CAMKMT: variants seen among roughly 807,000 people sequenced by gnomAD.
The protein encoded by CAMKMT is CaM KMT.
Under a neutral mutation model 48.0 loss-of-function variants are expected in CAMKMT, and 53 were observed. That is an observed-to-expected ratio of 1.10 (90% CI 0.89 to 1.39). The LOEUF (loss-of-function observed/expected upper bound fraction) is 1.39. Among genes scored for constraint, CAMKMT ranks in the 40% most tolerant of loss-of-function variants. The probability of loss-of-function intolerance (pLI) is 0.00; values close to 1 mark genes in which losing one functional copy is unlikely to be tolerated. For missense variants in CAMKMT, 428 were observed against 402.7 expected (o/e 1.06, Z -0.54); for synonymous variants, 165 against 152.3 (o/e 1.08, Z -0.61).
At chr2:44,488,843 T>TTGTGTGTGTGTGTGTG (rs142299931) in intron 3 of CAMKMT, among the ~76,000 whole-genome samples, 145 of 142,046 alleles carry the variant, frequency 1.0e-3, no homozygotes, top group Non-Finnish European at 1.3e-3. Context: ...CTTAGGGTAT[T>TTGTGTGTGTGTGTGTG]TGTGTGTGTG....
chr2:44,397,746 A>G (rs1681989670), intron 3 of CAMKMT, among the ~76,000 whole-genome samples: 1 of 152,210 alleles, frequency 6.6e-6, no homozygotes, highest in African/African-American at 2.4e-5. Context: ...TCTCTTTTTA[A>G]TGTATTTTAA....
intron 7 of CAMKMT, among the ~76,000 whole-genome samples, chr2:44,715,623 T>C (rs1400066242): frequency 6.6e-6 from 1 of 152,162 alleles, no homozygotes; most frequent in African/African-American, 2.4e-5. Flanking sequence ...TTATACAGTA[T>C]GAGGTTGGGA....
intron 9 of CAMKMT, among the ~76,000 whole-genome samples, chr2:44,755,658 C>T (rs1422175625): frequency 3.3e-5 from 5 of 152,200 alleles, no homozygotes; most frequent in South Asian, 4.2e-4. Flanking sequence ...GAAAAGTGCC[C>T]AAGCTATGAA....
chr2:44,699,108 G>T (rs1473583966), intron 3 of CAMKMT, among the ~76,000 whole-genome samples: 1 of 152,108 alleles, frequency 6.6e-6, no homozygotes, highest in Non-Finnish European at 1.5e-5. Flanking sequence ...CACGAATGTT[G>T]AAATCAATTC....
intron 3 of CAMKMT, among the ~76,000 whole-genome samples, chr2:44,584,747 G>A (rs1669755356): frequency 6.6e-6 from 1 of 151,960 alleles, no homozygotes. Flanking sequence ...TTGGGTGTCT[G>A]CATGAAATAA....
intron 3 of CAMKMT, among the ~76,000 whole-genome samples, chr2:44,648,463 A>T (rs1319215949): frequency 6.6e-6 from 1 of 152,262 alleles, no homozygotes; most frequent in African/African-American, 2.4e-5. Flanking sequence ...GGAGAACATG[A>T]TGGCATTCTT....
intron 3 of CAMKMT, among the ~76,000 whole-genome samples, chr2:44,602,002 A>ATT (rs1558736731): frequency 3.3e-5 from 5 of 151,378 alleles, no homozygotes; most frequent in African/African-American, 7.3e-5. Flanking sequence ...TTTTAAAAAT[A>ATT]TATTTATTTA....
chr2:44,420,816 C>A (rs1218785776), intron 3 of CAMKMT, among the ~76,000 whole-genome samples: 1 of 151,520 alleles, frequency 6.6e-6, no homozygotes, highest in Non-Finnish European at 1.5e-5. Context: ...ATTCCACTAG[C>A]AGAAGCTTAC....
intron 3 of CAMKMT, among the ~76,000 whole-genome samples, chr2:44,608,429 G>T (rs1275984138): frequency 2.6e-5 from 4 of 151,862 alleles, no homozygotes; most frequent in African/African-American, 9.7e-5. Flanking sequence ...AATAATAATT[G>T]TACTTATTTA....
At chr2:44,769,913 C>T (rs1205891309) in intron 10 of CAMKMT, among the ~76,000 whole-genome samples, 3 of 152,158 alleles carry the variant, frequency 2.0e-5, no homozygotes, top group East Asian at 1.9e-4. Context: ...CTGCTGTTCA[C>T]GCCGTAGTAA....
intron 3 of CAMKMT, among the ~76,000 whole-genome samples, chr2:44,394,280 T>A (rs1156575125): frequency 2.6e-5 from 4 of 151,946 alleles, no homozygotes; most frequent in Admixed American, 6.6e-5. Context: ...TTGAAAAAAA[T>A]TTTTTTTCTT....
At chr2:44,464,519 A>G (rs997800803) in intron 3 of CAMKMT, among the ~76,000 whole-genome samples, 1 of 152,220 alleles carries the variant, frequency 6.6e-6, no homozygotes, top group African/African-American at 2.4e-5. Flanking sequence ...GAATCAGAAG[A>G]GGTGCACACT....
chr2:44,705,416 T>TG, intron 4 of CAMKMT: 1 of 985,392 alleles, frequency 1.0e-6, no homozygotes, highest in Non-Finnish European at 1.2e-6. Flanking sequence ...AGAGCTGCCC[T>TG]GGAAGTCTGG....
intron 1 of CAMKMT, among the ~76,000 whole-genome samples, chr2:44,364,011 CTT>C (rs10710503): frequency 1.8e-3 from 152 of 85,678 alleles, no homozygotes; most frequent in Middle Eastern, 0.01. Flanking sequence ...CCCACCCTTC[CTT>C]TTTTTTTTTT....
chr2:44,726,224 G>A (rs759839955), intron 7 of CAMKMT, among the ~76,000 whole-genome samples: 1 of 152,130 alleles, frequency 6.6e-6, no homozygotes, highest in Non-Finnish European at 1.5e-5. Flanking sequence ...CATGGTGGTT[G>A]AACTAATTTA....
intron 3 of CAMKMT, among the ~76,000 whole-genome samples, chr2:44,659,075 G>GTTTTTTTTT (rs1192483405): frequency 1.2e-5 from 1 of 86,334 alleles, no homozygotes; most frequent in Non-Finnish European, 2.3e-5. Context: ...TGTGTGTGTA[G>GTTTTTTTTT]TTTTTTTTTT....
At chr2:44,737,760 C>G (rs193068751) in intron 7 of CAMKMT, among the ~76,000 whole-genome samples, 2 of 152,024 alleles carry the variant, frequency 1.3e-5, no homozygotes, top group African/African-American at 4.8e-5. Context: ...CTCTTTCTCT[C>G]TCTCTCTCTC....
intron 3 of CAMKMT, among the ~76,000 whole-genome samples, chr2:44,513,823 A>G (rs1055137902): frequency 1.3e-5 from 2 of 152,144 alleles, no homozygotes; most frequent in Non-Finnish European, 2.9e-5. Context: ...AATCCTGGCC[A>G]GGAATGGTGG....
chr2:44,724,597 G>C (rs769591236), intron 7 of CAMKMT, among the ~76,000 whole-genome samples: 1 of 152,138 alleles, frequency 6.6e-6, no homozygotes, highest in Non-Finnish European at 1.5e-5. Context: ...AACTGAAAGC[G>C]TGAGAGTGAA....
Sources: gnomAD v4.1 joint callset for allele counts (sites outside exome capture counted in the v4.1 genomes callset) on GRCh38, gnomAD v4.1.1 for gene constraint, MANE v1.5 for transcripts, NCBI Gene and HGNC (gene_info 2026-07-23, HGNC 2026-07-21) for gene names.